The following PARL variants were observed in gnomAD, a reference collection of about 807,000 sequenced individuals.
The protein encoded by PARL is presenilin associated rhomboid like.
PARL carries 44 observed loss-of-function variants against 51.6 expected under a neutral mutation model. The ratio of observed to expected loss-of-function variants is 0.85; its 90% confidence interval spans 0.67 to 1.10. The LOEUF (loss-of-function observed/expected upper bound fraction) is 1.10. PARL is among the 50% of genes least tolerant of loss of function. PARL has a pLI of 0.00. For synonymous variants in PARL, 172 were observed against 164.0 expected, an observed-to-expected ratio of 1.05 and a Z score of -0.37; for missense variants, 441 against 469.5, an observed-to-expected ratio of 0.94 and a Z score of 0.56.
intron 3 of PARL, among the ~76,000 whole-genome samples, chr3:183,866,005 G>A (rs1382782623): frequency 2.6e-5 from 4 of 151,206 alleles, no homozygotes; most frequent in Non-Finnish European, 4.4e-5. Context: ...TCAGCTTCCT[G>A]AGTAGCTGGG....
At chr3:183,845,385 G>A (rs1239471205) in intron 4 of PARL, among the ~76,000 whole-genome samples, 1 of 152,076 alleles carries the variant, frequency 6.6e-6, no homozygotes, top group Admixed American at 6.5e-5. Flanking sequence ...CAGATCTTAA[G>A]ACATTTTTTC....
chr3:183,869,647 T>A (rs1732948331), intron 1 of PARL, among the ~76,000 whole-genome samples: 1 of 152,126 alleles, frequency 6.6e-6, no homozygotes, highest in Non-Finnish European at 1.5e-5. Context: ...CATAACATAT[T>A]ATCCCTTCTA....
At chr3:183,882,416 TAGAGAGAG>T (rs146955187) in intron 1 of PARL, among the ~76,000 whole-genome samples, 23 of 104,396 alleles carry the variant, frequency 2.2e-4, no homozygotes, top group African/African-American at 7.9e-4. Context: ...CACATATATA[TAGAGAGAG>T]AGAGAGAGAG....
In PARL at chr3:183,873,137, T is replaced by C. The variant is rs1398851407; in HGVS notation, c.126-5077A>G. On this transcript the variant is annotated intron_variant, in intron 1 of 9. Coordinates refer to ENST00000317096, the MANE Select transcript of PARL (RefSeq NM_018622.7). Reference sequence around the variant, plus strand: ...AGTAAGTAAAGTCGCAATTAATTAATCAAAACAAGTAATGCCACTTTGGGC... The same window carrying C: ...AGTAAGTAAAGTCGCAATTAATTAACCAAAACAAGTAATGCCACTTTGGGC... Among the ~76,000 whole-genome samples, 4 of 152,166 alleles carry C rather than the reference T, an allele frequency of 2.6e-5. No homozygotes were observed. In the South Asian group the frequency reaches 8.3e-4, roughly 31 times the overall value.
At chr3:183,841,262 C>T (rs1254612786) in intron 6 of PARL, among the ~76,000 whole-genome samples, 3 of 152,194 alleles carry the variant, frequency 2.0e-5, no homozygotes, top group African/African-American at 7.2e-5. Context: ...GTATCTGAAA[C>T]AGACCCTCTG....
chr3:183,844,446 TA>T (rs898283242), intron 4 of PARL, 120 bp from the exon 5 acceptor site: 11 of 727,066 alleles, frequency 1.5e-5, no homozygotes, highest in South Asian at 8.0e-5. Context: ...ACCTGGGGGA[TA>T]GGGGGTGAGC....
intron 1 of PARL, among the ~76,000 whole-genome samples, chr3:183,871,247 TAAGGTGGTACTATACTC>T (rs1219868621): frequency 2.6e-5 from 4 of 152,050 alleles, no homozygotes; most frequent in Admixed American, 6.6e-5. Context: ...ATTCTCAAAG[TAAGGTGGTACTATACTC>T]AAGGTGGTAC....
chr3:183,839,758 G>C (rs1371178621), intron 7 of PARL, among the ~76,000 whole-genome samples: 1 of 150,628 alleles, frequency 6.6e-6, no homozygotes, highest in Non-Finnish European at 1.5e-5. Context: ...TTTGAGATAG[G>C]GTCTTGCTAT....
At chr3:183,840,750 G>C in intron 6 of PARL, 110 bp from the exon 7 acceptor site, 1 of 617,462 alleles carries the variant, frequency 1.6e-6, no homozygotes, top group Non-Finnish European at 2.8e-6. Context: ...CTTTCGCCCC[G>C]GCTGCTGAAG....
At chr3:183,857,777 T>TA (rs756548486) in intron 4 of PARL, among the ~76,000 whole-genome samples, 32 of 152,146 alleles carry the variant, frequency 2.1e-4, no homozygotes, top group Non-Finnish European at 4.6e-4. Context: ...TCCCTGGGGG[T>TA]AGGCTGCTAC....
At chr3:183,834,375 C>T (rs1276461044) in intron 7 of PARL, among the ~76,000 whole-genome samples, 1 of 152,222 alleles carries the variant, frequency 6.6e-6, no homozygotes, top group Non-Finnish European at 1.5e-5. Flanking sequence ...GATTGCACCA[C>T]TGCACTCCTG....
At position 183,840,608 on chromosome 3, in the gene PARL, T is replaced by G; in HGVS notation, c.790A>C (p.Lys264Gln). 2 of 1,567,178 alleles carry G rather than the reference T, an allele frequency of 1.3e-6. No homozygotes were observed. The highest frequency in any genetic ancestry group is 8.8e-7 in the Non-Finnish European group (1 of 1,142,574). The part of the protein sequence containing the change: ...VISNFVSYVG[K>Q]VATGRYGPSL... Reference sequence around the variant, plus strand: ...GGTCCATATCTTCCTGTGGCAACTTTACCCACGTAACTGACAAAATTGGAA... The same window carrying G: ...GGTCCATATCTTCCTGTGGCAACTTGACCCACGTAACTGACAAAATTGGAA... Residue 264 changes from lysine to glutamine, a missense_variant, in exon 7 of 10, where the codon AAA (lysine) becomes CAA (glutamine). By Grantham distance (53) the Lys-to-Gln change is moderately conservative (BLOSUM62 1). Coordinates refer to ENST00000317096, the MANE Select transcript of PARL (RefSeq NM_018622.7).
chr3:183,884,849 T>C lies in PARL; in HGVS notation c.-3A>G. The C allele has an allele frequency of 6.3e-7, 1 of 1,597,070 alleles. No individual in the cohort carries two copies. The highest frequency in any genetic ancestry group is 8.5e-7 in the Non-Finnish European group (1 of 1,179,380). ...TGCGCCCAGCCTCGCCACGCCATCT[T>C]CCCAACCTCTGCCCCACCATGGCCC... On this transcript the variant is annotated 5_prime_UTR_variant, in exon 1 of 10. Coordinates refer to ENST00000317096, the MANE Select transcript of PARL (RefSeq NM_018622.7).
At chr3:183,857,025 T>G (rs996067119) in intron 4 of PARL, among the ~76,000 whole-genome samples, 1 of 152,172 alleles carries the variant, frequency 6.6e-6, no homozygotes, top group Non-Finnish European at 1.5e-5. Flanking sequence ...AATAAAAGAT[T>G]TGTTAAATAA....
At chr3:183,863,230 T>G (rs1281320989) in intron 3 of PARL, among the ~76,000 whole-genome samples, 1 of 152,166 alleles carries the variant, frequency 6.6e-6, no homozygotes, top group African/African-American at 2.4e-5. Context: ...TTGCACTTTT[T>G]TAAAGATATA....
chr3:183,868,586 T>A (rs1242767737), intron 1 of PARL, among the ~76,000 whole-genome samples: 6 of 152,114 alleles, frequency 3.9e-5, no homozygotes, highest in South Asian at 2.1e-4. Context: ...TTTTTGTACC[T>A]TTTGTAGAGA....
At chr3:183,879,351 G>A (rs1734181965) in intron 1 of PARL, among the ~76,000 whole-genome samples, 2 of 151,770 alleles carry the variant, frequency 1.3e-5, no homozygotes, top group South Asian at 2.1e-4. Context: ...TTGTGATAAC[G>A]GAGAAGACAA....
chr3:183,868,499 G>A (rs1245900355), intron 1 of PARL, among the ~76,000 whole-genome samples: 4 of 151,746 alleles, frequency 2.6e-5, no homozygotes, highest in African/African-American at 7.3e-5. Context: ...CAGCCTCCAC[G>A]TCTCAGGCTC....
chr3:183,843,841 A>G (rs1560386254), intron 5 of PARL, among the ~76,000 whole-genome samples: 1 of 151,954 alleles, frequency 6.6e-6, no homozygotes, highest in Non-Finnish European at 1.5e-5. Flanking sequence ...GTGTTCAAGA[A>G]CAGCCTATCC....
Sources: allele counts gnomAD v4.1 joint callset (sites outside exome capture counted in the v4.1 genomes callset), GRCh38; gene constraint gnomAD v4.1.1; transcripts MANE v1.5; gene names NCBI Gene and HGNC (gene_info 2026-07-23, HGNC 2026-07-21).